The following DENND1A variants were observed in gnomAD, a reference collection of about 807,000 sequenced individuals.
DENND1A encodes the protein DENN domain containing 1A.
DENND1A carries 51 observed loss-of-function variants against 113.7 expected under a neutral mutation model. The observed-to-expected ratio is 0.45, with a 90% CI of 0.36 to 0.57. The LOEUF (loss-of-function observed/expected upper bound fraction) is 0.57, where lower values mean the gene tolerates loss of function less well. Ranked by LOEUF, DENND1A falls within the 20% of genes least tolerant of loss-of-function variation. The probability of loss-of-function intolerance (pLI) is 0.00; values close to 1 mark genes in which losing one functional copy is unlikely to be tolerated. For synonymous variants in DENND1A, 565 were observed against 570.8 expected, an observed-to-expected ratio of 0.99 and a Z score of 0.14; for missense variants, 1,258 against 1,395.9, an observed-to-expected ratio of 0.90 and a Z score of 1.57.
intron 2 of DENND1A, among the ~76,000 whole-genome samples, chr9:123,796,811 T>G (rs568330897): frequency 6.7e-6 from 1 of 150,198 alleles, no homozygotes; most frequent in East Asian, 1.9e-4. Context: ...ATTATTTTCC[T>G]GTTTCCCTCT....
chr9:123,911,840 G>A lies in DENND1A; in HGVS notation c.17+18049C>T, dbSNP rs970179526. ...CAAGTTGCTGGGACTACAGGTGCCC[G>A]CCACCATGCCCGGCTAATTTTTTTT... On this transcript the variant is annotated intron_variant, in intron 1 of 23. Coordinates refer to ENST00000394215, the MANE Select transcript of DENND1A (RefSeq NM_001352964.2). Among the ~76,000 whole-genome samples the A allele has an allele frequency of 7.9e-5, 12 of 152,098 alleles. No homozygotes were observed. The East Asian group carries it at 2.1e-3, about 27-fold the overall frequency.
chr9:123,747,617 C>G lies in DENND1A; in HGVS notation c.302+10086G>C, dbSNP rs981450168. Reference sequence around the variant, plus strand: ...ACTACAATATATAGAATTTAATTTTCTCCACAATGTTTAAAAATTCCATAA... The same window carrying G: ...ACTACAATATATAGAATTTAATTTTGTCCACAATGTTTAAAAATTCCATAA... On this transcript the variant is annotated intron_variant, in intron 5 of 23. Coordinates refer to ENST00000394215, the MANE Select transcript of DENND1A (RefSeq NM_001352964.2). Among the ~76,000 whole-genome samples the G allele has an allele frequency of 2.6e-5, 4 of 152,098 alleles. No individual in the cohort carries two copies. The East Asian group carries it at 5.8e-4, about 22-fold the overall frequency.
chr9:123,809,813 G>C (rs1836237928), intron 2 of DENND1A, among the ~76,000 whole-genome samples: 1 of 152,128 alleles, frequency 6.6e-6, no homozygotes, highest in East Asian at 1.9e-4. Context: ...TGGGATTACA[G>C]GCATGCACCA....
intron 3 of DENND1A, among the ~76,000 whole-genome samples, chr9:123,784,160 G>T (rs1391814243): frequency 6.6e-6 from 1 of 152,198 alleles, no homozygotes; most frequent in Non-Finnish European, 1.5e-5. Context: ...AGGGGAGGCG[G>T]CAGGAGACAA....
chr9:123,628,178 T>C (rs2061324681), intron 10 of DENND1A, among the ~76,000 whole-genome samples: 1 of 151,784 alleles, frequency 6.6e-6, no homozygotes, highest in Admixed American at 6.6e-5. Context: ...ACAGTGCAAA[T>C]GTGAGCTCAG....
At chr9:123,425,433 G>A (rs868262564) in intron 19 of DENND1A, among the ~76,000 whole-genome samples, 10 of 152,388 alleles carry the variant, frequency 6.6e-5, no homozygotes, top group Middle Eastern at 3.4e-3. Context: ...ACAACCTGGC[G>A]CCGCGTGCGG....
chr9:123,693,819 T>C (rs2065328350), intron 5 of DENND1A, among the ~76,000 whole-genome samples: 1 of 147,156 alleles, frequency 6.8e-6, no homozygotes, highest in Non-Finnish European at 1.5e-5. Context: ...ATTATTATTA[T>C]TATTATTATT....
chr9:123,658,957 G>A (rs1323294312), intron 8 of DENND1A, among the ~76,000 whole-genome samples: 1 of 152,184 alleles, frequency 6.6e-6, no homozygotes, highest in Non-Finnish European at 1.5e-5. Context: ...ACCCACTGAA[G>A]GGTGAATCCT....
At chr9:123,602,339 T>C (rs2059968209) in intron 11 of DENND1A, among the ~76,000 whole-genome samples, 1 of 152,192 alleles carries the variant, frequency 6.6e-6, no homozygotes, top group African/African-American at 2.4e-5. Context: ...CAATACCATA[T>C]TGGCTTTTTA....
intron 10 of DENND1A, among the ~76,000 whole-genome samples, chr9:123,617,629 C>G (rs2060722832): frequency 6.6e-6 from 1 of 152,206 alleles, no homozygotes; most frequent in South Asian, 2.1e-4. Context: ...TTTTGAGCCT[C>G]CTTGGCCTAC....
intron 13 of DENND1A, among the ~76,000 whole-genome samples, chr9:123,496,718 GT>G (rs1034007092): frequency 6.6e-6 from 1 of 152,128 alleles, no homozygotes; most frequent in Non-Finnish European, 1.5e-5. Flanking sequence ...TGGGTCAGCG[GT>G]GCATTCAGGA....
intron 11 of DENND1A, among the ~76,000 whole-genome samples, chr9:123,593,528 A>G (rs1415777396): frequency 6.6e-6 from 1 of 152,162 alleles, no homozygotes; most frequent in Non-Finnish European, 1.5e-5. Context: ...TATCATGCCC[A>G]CAACATGCTT....
At chr9:123,626,239 C>T (rs1589409649) in intron 10 of DENND1A, among the ~76,000 whole-genome samples, 1 of 151,896 alleles carries the variant, frequency 6.6e-6, no homozygotes, top group African/African-American at 2.4e-5. Context: ...TGTGTATGGG[C>T]GGGGGGTGTC....
At chr9:123,786,142 G>A (rs1832132338) in intron 3 of DENND1A, among the ~76,000 whole-genome samples, 1 of 152,010 alleles carries the variant, frequency 6.6e-6, no homozygotes, top group Non-Finnish European at 1.5e-5. Context: ...GAACCTAGGA[G>A]GTGGAGGTTG....
At chr9:123,382,701 CTGTGTGCTGAA>C (rs1554790160) in intron 23 of DENND1A, 76 bp from the exon 24 acceptor site, 13 of 1,463,162 alleles carry the variant, frequency 8.9e-6, no homozygotes, top group African/African-American at 1.4e-5. Context: ...CACACCACTT[CTGTGTGCTGAA>C]TGTGTGCTGG....
chr9:123,516,527 G>A (rs1402346826), intron 13 of DENND1A, among the ~76,000 whole-genome samples: 1 of 151,896 alleles, frequency 6.6e-6, no homozygotes, highest in Non-Finnish European at 1.5e-5. Context: ...TATTAAATTG[G>A]CAAATATAAA....
intron 13 of DENND1A, among the ~76,000 whole-genome samples, chr9:123,534,811 T>C (rs1048489219): frequency 6.6e-6 from 1 of 152,256 alleles, no homozygotes; most frequent in Non-Finnish European, 1.5e-5. Flanking sequence ...TTAGTCTTCA[T>C]TGATTTATAG....
At chr9:123,412,960 G>A (rs2044429790) in intron 19 of DENND1A, among the ~76,000 whole-genome samples, 1 of 152,186 alleles carries the variant, frequency 6.6e-6, no homozygotes, top group African/African-American at 2.4e-5. Context: ...AAGGTGGGCG[G>A]ACCACCTGAG....
chr9:123,415,483 G>A (rs2131625280), intron 19 of DENND1A, among the ~76,000 whole-genome samples: 1 of 152,314 alleles, frequency 6.6e-6, no homozygotes, highest in East Asian at 1.9e-4. Flanking sequence ...AGGATGCCCT[G>A]CCAGGAGTGT....
Sources: gnomAD v4.1 joint callset for allele counts (sites outside exome capture counted in the v4.1 genomes callset) on GRCh38, gnomAD v4.1.1 for gene constraint, MANE v1.5 for transcripts, NCBI Gene and HGNC (gene_info 2026-07-23, HGNC 2026-07-21) for gene names.